CHODL: variants seen among roughly 807,000 people sequenced by gnomAD.
The protein encoded by CHODL is chondrolectin.
In CHODL, 29 loss-of-function variants were observed where a neutral mutation model predicts 34.5. The observed-to-expected ratio is 0.84, with a 90% CI of 0.63 to 1.15. The LOEUF is 1.15. Ranked by LOEUF, CHODL falls within the 50% of genes most tolerant of loss-of-function variation. The pLI, the probability that CHODL is intolerant of heterozygous loss-of-function variation, is 0.00. For missense variants in CHODL, 332 were observed against 332.5 expected (o/e 1.00, Z 0.01); for synonymous variants, 125 against 116.1 (o/e 1.08, Z -0.49).
intron 2 of CHODL, among the ~76,000 whole-genome samples, chr21:18,087,360 C>T (rs2065020217): frequency 6.6e-6 from 1 of 152,156 alleles, no homozygotes; most frequent in Admixed American, 6.6e-5. Context: ...CTGCATCACC[C>T]TGAACTCAGT....
chr21:18,004,248 A>AC (rs1456706468), intron 1 of CHODL, among the ~76,000 whole-genome samples: 1 of 152,222 alleles, frequency 6.6e-6, no homozygotes, highest in Non-Finnish European at 1.5e-5. Flanking sequence ...TTTATTGGAT[A>AC]ATGTAATAGA....
At chr21:17,990,377 A>C (rs1038138008) in intron 1 of CHODL, among the ~76,000 whole-genome samples, 4 of 152,086 alleles carry the variant, frequency 2.6e-5, no homozygotes, top group Non-Finnish European at 5.9e-5. Context: ...TTCATTTCTT[A>C]AAAGCTGAAG....
chr21:17,991,152 C>A (rs1046536216), intron 1 of CHODL, among the ~76,000 whole-genome samples: 12 of 152,200 alleles, frequency 7.9e-5, no homozygotes, highest in Admixed American at 5.2e-4. Flanking sequence ...TTTTCCATGG[C>A]TGAGTACTAT....
chr21:18,136,134 G>GA (rs2072725315), intron 2 of CHODL, among the ~76,000 whole-genome samples: 1 of 128,744 alleles, frequency 7.8e-6, no homozygotes, highest in African/African-American at 2.9e-5. Context: ...AGAAAAAAAA[G>GA]AAAAAATGAA....
intron 1 of CHODL, among the ~76,000 whole-genome samples, chr21:17,927,134 G>GTA (rs1555837420): frequency 1.1e-3 from 116 of 107,668 alleles, no homozygotes; most frequent in African/African-American, 4.7e-3. Flanking sequence ...GTATATATAT[G>GTA]TATATATGTA....
intron 2 of CHODL, among the ~76,000 whole-genome samples, chr21:18,052,977 G>A (rs2064534751): frequency 6.6e-6 from 1 of 151,912 alleles, no homozygotes; most frequent in South Asian, 2.1e-4. Context: ...GAAACATACT[G>A]TGGAGTATAT....
intron 2 of CHODL, among the ~76,000 whole-genome samples, chr21:18,090,658 G>A (rs372213140): frequency 2.3e-5 from 3 of 129,228 alleles, no homozygotes; most frequent in South Asian, 5.2e-4. Flanking sequence ...TAGAAAATAT[G>A]AAAAGGAAAA....
chr21:18,164,728 T>A (rs1452421124), intron 2 of CHODL, among the ~76,000 whole-genome samples: 1 of 131,946 alleles, frequency 7.6e-6, no homozygotes, highest in African/African-American at 2.8e-5. Context: ...TCTAACCACT[T>A]ATTTGACATC....
At chr21:17,988,453 T>C (rs915190577) in intron 1 of CHODL, among the ~76,000 whole-genome samples, 2 of 144,158 alleles carry the variant, frequency 1.4e-5, no homozygotes, top group African/African-American at 5.2e-5. Context: ...AATGTGCAGG[T>C]TAGTTACATA....
At chr21:18,093,138 A>G (rs904995311) in intron 2 of CHODL, among the ~76,000 whole-genome samples, 3 of 152,204 alleles carry the variant, frequency 2.0e-5, no homozygotes, top group African/African-American at 7.2e-5. Flanking sequence ...ATCTGGTAGC[A>G]GACTTTTCAA....
chr21:18,214,220 A>C (rs974894293), intron 2 of CHODL, among the ~76,000 whole-genome samples: 3 of 152,102 alleles, frequency 2.0e-5, no homozygotes, highest in African/African-American at 7.2e-5. Context: ...AGTCTTATTT[A>C]TCCATTAAGA....
intron 1 of CHODL, among the ~76,000 whole-genome samples, chr21:17,966,676 A>G (rs1428071291): frequency 1.3e-5 from 2 of 152,116 alleles, no homozygotes; most frequent in African/African-American, 2.4e-5. Context: ...TTTCCCATCA[A>G]ATTTTGTAGA....
intron 1 of CHODL, among the ~76,000 whole-genome samples, chr21:17,920,986 C>T (rs1238541849): frequency 6.6e-6 from 1 of 152,120 alleles, no homozygotes; most frequent in Non-Finnish European, 1.5e-5. Flanking sequence ...TCCAAGCTCC[C>T]TTGCAGTTAG....
chr21:18,214,513 C>T (rs764426612), intron 2 of CHODL, among the ~76,000 whole-genome samples: 6 of 152,068 alleles, frequency 3.9e-5, no homozygotes, highest in Non-Finnish European at 8.8e-5. Context: ...TATTATAAGC[C>T]TGGTTCAATC....
intron 2 of CHODL, among the ~76,000 whole-genome samples, chr21:18,065,523 A>C (rs2064721277): frequency 6.6e-6 from 1 of 152,168 alleles, no homozygotes; most frequent in African/African-American, 2.4e-5. Context: ...TTCTTCCCTG[A>C]AAAGTACAGT....
At chr21:18,232,941 TGATATATATA>T (rs986135571) in intron 2 of CHODL, among the ~76,000 whole-genome samples, 4 of 97,618 alleles carry the variant, frequency 4.1e-5, no homozygotes, top group African/African-American at 2.1e-4. Context: ...CATGATGTTA[TGATATATATA>T]TATATATATA....
At chr21:18,074,284 A>T (rs1335141834) in intron 2 of CHODL, among the ~76,000 whole-genome samples, 1 of 152,184 alleles carries the variant, frequency 6.6e-6, no homozygotes, top group Non-Finnish European at 1.5e-5. Flanking sequence ...ATAACTTCTG[A>T]CTTAGACACA....
chr21:18,077,532 C>G (rs1365160641), intron 2 of CHODL, among the ~76,000 whole-genome samples: 1 of 152,038 alleles, frequency 6.6e-6, no homozygotes, highest in Admixed American at 6.6e-5. Flanking sequence ...ATGTAGAAAT[C>G]CTTACCTCTA....
intron 2 of CHODL, among the ~76,000 whole-genome samples, chr21:18,089,117 A>G (rs916595822): frequency 2.0e-5 from 3 of 152,220 alleles, no homozygotes; most frequent in Non-Finnish European, 4.4e-5. Context: ...CTTTCAAAAC[A>G]TAACCCTAAC....
Sources: gnomAD v4.1 joint callset for allele counts (sites outside exome capture counted in the v4.1 genomes callset) on GRCh38, gnomAD v4.1.1 for gene constraint, MANE v1.5 for transcripts, NCBI Gene and HGNC (gene_info 2026-07-23, HGNC 2026-07-21) for gene names.